FGB: variants seen among roughly 807,000 people sequenced by gnomAD.
FGB encodes the protein beta-fibrinogen.
FGB carries 25 observed loss-of-function variants against 57.9 expected under a neutral mutation model. The ratio of observed to expected loss-of-function variants is 0.43; its 90% CI spans 0.31 to 0.60. The LOEUF is 0.60. Among genes scored for constraint, FGB ranks in the 20% least tolerant of loss-of-function variants. FGB has a pLI of 0.08. For synonymous variants in FGB, 203 were observed against 199.2 expected, an observed-to-expected ratio of 1.02 and a Z score of -0.16; for missense variants, 536 against 598.4, an observed-to-expected ratio of 0.90 and a Z score of 1.09.
chr4:154,565,512 C>T (rs1432864138), intron 1 of FGB: 1 of 378,906 alleles, frequency 2.6e-6, no homozygotes, highest in African/African-American at 2.1e-5. Flanking sequence ...TTCGTAAGTT[C>T]CAATGTATGT....
chr4:154,566,243 T>A (rs951667977), intron 2 of FGB, among the ~76,000 whole-genome samples: 3 of 152,244 alleles, frequency 2.0e-5, no homozygotes, highest in Admixed American at 2.0e-4. Flanking sequence ...TCCATTTGTA[T>A]TTTGCCACTG....
chr4:154,567,942 C>T (rs1212730357), intron 4 of FGB, 122 bp downstream of exon 4: 2 of 805,130 alleles, frequency 2.5e-6, no homozygotes, highest in East Asian at 2.5e-5. Flanking sequence ...AATGACATTA[C>T]AGTACATCAT....
chr4:154,570,758 C>A lies in FGB; in HGVS notation c.*108C>A. 1 of 840,900 alleles carries A rather than the reference C, an allele frequency of 1.2e-6. No homozygotes were observed. Among genetic ancestry groups the A allele is most frequent in the East Asian group, 2.6e-5 (1 of 37,978 alleles). The allele number at this position is 840,900 out of a possible 1,614,324, so 52.1% of individuals were successfully genotyped here. On this transcript the variant is annotated 3_prime_UTR_variant, in exon 8 of 8. Coordinates refer to ENST00000302068, the MANE Select transcript of FGB (RefSeq NM_005141.5). ...TATTCCTCTAAAACTCTCAAGCAGA[C>A]GTGAGTGTGACTTTTTGAAAAAAGT... is the stretch of plus-strand genomic sequence containing the variant.
chr4:154,567,092 T>C (rs916000319), intron 3 of FGB, among the ~76,000 whole-genome samples: 2 of 152,216 alleles, frequency 1.3e-5, no homozygotes, highest in African/African-American at 4.8e-5. Context: ...TGCTGTTGAC[T>C]TGGTGGTCAG....
chr4:154,569,432 A>G, intron 6 of FGB, 82 bp from the exon 7 acceptor site: 2 of 1,581,466 alleles, frequency 1.3e-6, no homozygotes, highest in Non-Finnish European at 1.7e-6. Context: ...AAAATGTGGA[A>G]GCTAAAGATA....
rs992272521 is a variant in FGB, at chr4:154,569,056, A to T, written c.833-126A>T. On this transcript the variant is annotated intron_variant, in intron 5 of 7. Transcript: ENST00000302068. ...GTTTACCTCTCATATTTATTTCCTT[A>T]TTGTGTCTATTTTAGAGCACCAAAT... 1.9e-5 allele frequency: 20 copies of T among 1,039,572 alleles called. No individual in the cohort carries two copies. The Admixed American group carries it at 3.2e-4, about 17-fold the overall frequency. The allele number at this position is 1,039,572 out of a possible 1,614,324, so 64.4% of individuals were successfully genotyped here. A position where few individuals can be genotyped will look rare whatever the true frequency, so the allele number is the denominator to read the frequency against.
chr4:154,567,800 T>G lies in FGB; in HGVS notation c.698T>G (p.Ile233Ser), dbSNP rs765701687. The G allele has an allele frequency of 1.9e-6, 3 of 1,613,142 alleles. No individual in the cohort carries two copies. The highest frequency in any genetic ancestry group is 2.5e-6 in the Non-Finnish European group (3 of 1,179,202). The stretch of plus-strand genomic sequence containing the variant: ...ACCCCATGCACTGTCAGTTGCAATA[T>G]TCCTGTGGTGTCTGGCAAAGGTAAC... Reference protein sequence around the residue: ...CRTPCTVSCNIPVVSGKECEE... With the variant: ...CRTPCTVSCNSPVVSGKECEE... Residue 233 changes from isoleucine (I) to serine (S), a missense_variant, in exon 4 of 8, where the codon ATT becomes AGT. By Grantham distance (142) the Ile-to-Ser change is moderately radical. Transcript: ENST00000302068.
chr4:154,564,583 C>T (rs1450302070), intron 1 of FGB, among the ~76,000 whole-genome samples: 1 of 152,046 alleles, frequency 6.6e-6, no homozygotes, highest in Non-Finnish European at 1.5e-5. Flanking sequence ...CACCATCCTA[C>T]TAAATGTTAA....
At position 154,565,843 on chromosome 4, in the gene FGB, C is replaced by G; in HGVS notation, c.150C>G (p.Asp50Glu). Residue 50 changes from aspartate to glutamate, a missense_variant, in exon 2 of 8, where the codon GAC becomes GAG. Asp to Glu is a conservative substitution (Grantham distance 45). Coordinates refer to ENST00000302068, the MANE Select transcript of FGB (RefSeq NM_005141.5). ...GTGCCCGTGGTCATCGACCCCTTGA[C>G]AAGAAGAGAGAAGAGGCTCCCAGCC... is the stretch of plus-strand genomic sequence containing the variant. ...FFSARGHRPL[D>E]KKREEAPSLR... The G allele has an allele frequency of 6.2e-7, 1 of 1,614,196 alleles. No homozygotes were observed. The highest frequency in any genetic ancestry group is 8.5e-7 in the Non-Finnish European group (1 of 1,180,032).
intron 1 of FGB, 84 bp from the exon 2 acceptor site, chr4:154,565,724 A>T: frequency 2.9e-6 from 4 of 1,371,468 alleles, no homozygotes; most frequent in Middle Eastern, 1.9e-4. Flanking sequence ...TGATAACCTA[A>T]ATTATAAAAT....
In FGB at chr4:154,568,503, T is replaced by C; in HGVS notation, c.832+9T>C. 4.4e-6 allele frequency: 6 copies of C among 1,356,184 alleles called. No homozygotes were observed. The highest frequency in any genetic ancestry group is 6.4e-6 in the Non-Finnish European group (6 of 944,806). 84.0% of individuals were successfully genotyped at this position (1,356,184 alleles called of 1,614,324 possible). ...GAATACAGAAAATGGAGGTAAGCTT[T>C]CGACAGTTGTTGACCTGTTGATCTG... On this transcript the variant is annotated intron_variant, in intron 5 of 7. Transcript: ENST00000302068.
rs774263206 is a variant in FGB at position 154,566,584 on chromosome 4, G to C, written c.402G>C (p.Val134=). 6.2e-7 allele frequency: 1 copy of C among 1,614,056 alleles called. No individual in the cohort carries two copies. Residue 134 remains valine, a synonymous_variant, in exon 3 of 8, where the codon GTG becomes GTC. Transcript: ENST00000302068. ...RNSVDELNNN[V]EAVSQTSSSS... ...GTGTTGATGAGTTAAATAACAATGTGGAAGCTGTTTCCCAGACCTCCTCTT... is the reference window on the plus strand; with the variant it reads ...GTGTTGATGAGTTAAATAACAATGTCGAAGCTGTTTCCCAGACCTCCTCTT...
rs1195559990 is a variant in FGB, at chr4:154,570,808, C to T, written c.*158C>T. 1 of 684,544 alleles carries T rather than the reference C, an allele frequency of 1.5e-6. No homozygotes were observed. Among genetic ancestry groups the T allele is most frequent in the Non-Finnish European group, 2.7e-6 (1 of 375,502 alleles). 42.4% of individuals were successfully genotyped at this position (684,544 alleles called of 1,614,324 possible). A position where few individuals can be genotyped will look rare whatever the true frequency, so the allele number is the denominator to read the frequency against. On this transcript the variant is annotated 3_prime_UTR_variant, in exon 8 of 8. Coordinates refer to ENST00000302068, the MANE Select transcript of FGB (RefSeq NM_005141.5). ...TATAGGATAAATTACATTAAAATAG[C>T]ACATGATTTTCTTTTGTTTTCTTCA... is the stretch of plus-strand genomic sequence containing the variant.
chr4:154,567,537 C>T, intron 3 of FGB, 56 bp from the exon 4 acceptor site: 3 of 1,032,314 alleles, frequency 2.9e-6, no homozygotes, highest in South Asian at 1.3e-5. Context: ...TAGTTAAATA[C>T]ATTAGTTTTA....
chr4:154,571,481 A>G lies in FGB; in HGVS notation c.*831A>G, dbSNP rs986178341. On this transcript the variant is annotated 3_prime_UTR_variant, in exon 8 of 8. Transcript: ENST00000302068. ...GAGACTCCACCTCAAAAAAAAAAAA[A>G]AAAGAATCTGACTATATACCATGGA... Among the ~76,000 whole-genome samples, 10 of 152,106 alleles carry G rather than the reference A, an allele frequency of 6.6e-5. No homozygotes were observed. The highest frequency in any genetic ancestry group is 3.9e-4 in the East Asian group (2 of 5,170).
At position 154,570,638 on chromosome 4, in the gene FGB, C is replaced by G; in HGVS notation, c.1464C>G (p.Phe488Leu). 3.1e-6 allele frequency: 5 copies of G among 1,613,390 alleles called. No individual in the cohort carries two copies. Among genetic ancestry groups the G allele is most frequent in the Non-Finnish European group, 4.2e-6 (5 of 1,179,388 alleles). Residue 488 changes from phenylalanine (F) to leucine (L), a missense_variant, in exon 8 of 8, where the codon TTC becomes TTG. Transcript: ENST00000302068. ...TGAGTATGAAGATCAGGCCCTTCTT[C>G]CCACAGCAATAGTCCCCAATACGTA... The part of the protein sequence containing the change: ...RKMSMKIRPF[F>L]PQQ
chr4:154,569,099 GA>G, intron 5 of FGB, 82 bp from the exon 6 acceptor site: 4 of 1,421,646 alleles, frequency 2.8e-6, no homozygotes, highest in Non-Finnish European at 4.0e-6. Context: ...AAATGGAATG[GA>G]CAGGGGATTC....
rs746420120 is a variant in FGB at position 154,569,193 on chromosome 4, A to T, written c.844A>T (p.Ile282Phe). The T allele has an allele frequency of 6.2e-7, 1 of 1,614,156 alleles. No homozygotes were observed. Among genetic ancestry groups the T allele is most frequent in the Admixed American group, 1.7e-5 (1 of 60,020 alleles). ...TCTGTCAACCAAAGGATGGACAGTG[A>T]TTCAGAACCGTCAAGACGGTAGTGT... is the stretch of plus-strand genomic sequence containing the variant. The part of the protein sequence containing the change: ...MNTENGGWTV[I>F]QNRQDGSVDF... The change falls in exon 6 of 8, where the codon ATT (isoleucine) becomes TTT (phenylalanine). Residue 282 changes from isoleucine (I) to phenylalanine (F), a missense_variant. Ile to Phe is a conservative substitution (Grantham distance 21, BLOSUM62 0). Transcript: ENST00000302068.
chr4:154,566,572 A>C lies in FGB; in HGVS notation c.390A>C (p.Leu130Phe). 1 of 1,614,114 alleles carries C rather than the reference A, an allele frequency of 6.2e-7. No homozygotes were observed. The highest frequency in any genetic ancestry group is 1.1e-5 in the South Asian group (1 of 91,088). ...CAATCAGAAATAGTGTTGATGAGTT[A>C]AATAACAATGTGGAAGCTGTTTCCC... ...ERPIRNSVDE[L>F]NNNVEAVSQT... Residue 130 changes from leucine (L) to phenylalanine (F), a missense_variant, in exon 3 of 8, where the codon TTA (leucine) becomes TTC (phenylalanine). By Grantham distance (22) the Leu-to-Phe change is conservative. This residue lies in a region of FGB where 354 missense variants were observed against 383.4 expected (regional missense o/e 0.92). Transcript: ENST00000302068.
Sources: gnomAD v4.1 joint callset for allele counts (sites outside exome capture counted in the v4.1 genomes callset) on GRCh38, gnomAD v4.1.1 for gene constraint, gnomAD v4.1.1 regional missense constraint, MANE v1.5 for transcripts, NCBI Gene and HGNC (gene_info 2026-07-23, HGNC 2026-07-21) for gene names.